SPPL3: variants seen among roughly 807,000 people sequenced by gnomAD.
The protein encoded by SPPL3 is signal peptide peptidase like 3, also known as signal peptide peptidase-like 3.
A neutral mutation model predicts 42.4 loss-of-function variants in SPPL3; 5 were observed. That is an observed-to-expected ratio of 0.12 (90% CI 0.06 to 0.25). SPPL3 has a LOEUF of 0.25. Among genes scored for constraint, SPPL3 ranks in the 10% least tolerant of loss-of-function variants. The pLI is 1.00. For synonymous variants in SPPL3, 195 were observed against 181.8 expected, an observed-to-expected ratio of 1.07 and a Z score of -0.58; for missense variants, 235 against 489.0, an observed-to-expected ratio of 0.48 and a Z score of 4.90.
intron 1 of SPPL3, among the ~76,000 whole-genome samples, chr12:120,902,644 T>A (rs2137075594): frequency 6.6e-6 from 1 of 152,318 alleles, no homozygotes; most frequent in Admixed American, 6.5e-5. Flanking sequence ...CCGAAATAGG[T>A]CTTCCAACTC....
At chr12:120,808,896 G>T (rs1473534647) in intron 2 of SPPL3, among the ~76,000 whole-genome samples, 1 of 152,172 alleles carries the variant, frequency 6.6e-6, no homozygotes, top group African/African-American at 2.4e-5. Flanking sequence ...AAATATTAAT[G>T]CATTATATAC....
At chr12:120,862,906 G>A (rs999585264) in intron 1 of SPPL3, among the ~76,000 whole-genome samples, 4 of 152,138 alleles carry the variant, frequency 2.6e-5, no homozygotes, top group Middle Eastern at 3.2e-3. Flanking sequence ...CTAAGACTCA[G>A]CTCATTAGCA....
intron 1 of SPPL3, among the ~76,000 whole-genome samples, chr12:120,840,958 TCATTAATA>T (rs921522401): frequency 6.6e-6 from 1 of 151,974 alleles, no homozygotes; most frequent in South Asian, 2.1e-4. Context: ...ATTCATTCAT[TCATTAATA>T]AATAAATAAC....
intron 2 of SPPL3, among the ~76,000 whole-genome samples, chr12:120,794,025 A>G (rs1377165371): frequency 6.6e-6 from 1 of 152,102 alleles, no homozygotes; most frequent in East Asian, 1.9e-4. Flanking sequence ...TTGTGAATTT[A>G]TTTCTCCTTG....
intron 1 of SPPL3, among the ~76,000 whole-genome samples, chr12:120,847,124 T>C (rs1872064541): frequency 6.6e-6 from 1 of 152,044 alleles, no homozygotes; most frequent in Non-Finnish European, 1.5e-5. Flanking sequence ...TCAAACTTCA[T>C]TATGCATAAA....
chr12:120,768,696 G>C, intron 7 of SPPL3: 1 of 661,234 alleles, frequency 1.5e-6, no homozygotes, highest in South Asian at 2.0e-5. Context: ...CTGACGGGGT[G>C]GCCCCCACTG....
intron 6 of SPPL3, among the ~76,000 whole-genome samples, chr12:120,777,367 C>A (rs947605894): frequency 2.6e-5 from 4 of 152,178 alleles, no homozygotes; most frequent in Non-Finnish European, 4.4e-5. Context: ...TATTGTATAA[C>A]ACATATTTTT....
chr12:120,792,270 TA>T (rs1033148628), intron 2 of SPPL3, among the ~76,000 whole-genome samples: 3 of 152,202 alleles, frequency 2.0e-5, no homozygotes, highest in African/African-American at 7.2e-5. Context: ...TCTGGGGAAC[TA>T]AAAATGGCAC....
chr12:120,787,521 G>A (rs908612571), intron 3 of SPPL3, among the ~76,000 whole-genome samples: 2 of 152,102 alleles, frequency 1.3e-5, no homozygotes, highest in South Asian at 2.1e-4. Context: ...CCTCACTCCT[G>A]TCACTTTCTA....
Position 120,769,077 on chromosome 12 carries a change from T to A in SPPL3, c.503-18A>T. 1 of 1,582,992 alleles carries A rather than the reference T, an allele frequency of 6.3e-7. No homozygotes were observed. The highest frequency in any genetic ancestry group is 8.6e-7 in the Non-Finnish European group (1 of 1,160,642). ...GGCCAGTGCTGGGGAGGAGACAGGGTACAGCAGACAGCAGTCAGTGTGGAC... is the reference window on the plus strand; with the variant it reads ...GGCCAGTGCTGGGGAGGAGACAGGGAACAGCAGACAGCAGTCAGTGTGGAC... On this transcript the variant is annotated intron_variant, in intron 6 of 10. Coordinates refer to ENST00000353487, the MANE Select transcript of SPPL3 (RefSeq NM_139015.5).
intron 1 of SPPL3, among the ~76,000 whole-genome samples, chr12:120,885,870 T>C (rs1041483011): frequency 2.5e-4 from 26 of 103,428 alleles, no homozygotes; most frequent in African/African-American, 9.7e-4. Context: ...TTTTTTTTTT[T>C]TGAGACAGAG....
intron 1 of SPPL3, among the ~76,000 whole-genome samples, chr12:120,832,799 G>C (rs929336863): frequency 1.3e-5 from 2 of 152,184 alleles, no homozygotes; most frequent in Admixed American, 1.3e-4. Context: ...TAGGAGGCCT[G>C]TTTCCATACT....
chr12:120,879,598 CAA>C (rs1394606071), intron 1 of SPPL3, among the ~76,000 whole-genome samples: 1 of 151,964 alleles, frequency 6.6e-6, no homozygotes, highest in Non-Finnish European at 1.5e-5. Context: ...ACCAAATTTC[CAA>C]GAGAGGGATT....
At chr12:120,897,287 C>T (rs915424245) in intron 1 of SPPL3, among the ~76,000 whole-genome samples, 2 of 152,082 alleles carry the variant, frequency 1.3e-5, no homozygotes, top group Non-Finnish European at 2.9e-5. Flanking sequence ...TTCTTTACCC[C>T]CGAAGGCTTT....
chr12:120,825,530 CACAGGAATATCA>C (rs1458206867), intron 1 of SPPL3, among the ~76,000 whole-genome samples: 1 of 152,144 alleles, frequency 6.6e-6, no homozygotes. Flanking sequence ...GGCACATGTA[CACAGGAATATCA>C]ACAGGAGCAA....
chr12:120,810,800 A>G lies in SPPL3; in HGVS notation c.101+9T>C, dbSNP rs1870658692. 2 of 1,599,260 alleles carry G rather than the reference A, an allele frequency of 1.3e-6. No homozygotes were observed. Among genetic ancestry groups the G allele is most frequent in the African/African-American group, 2.7e-5 (2 of 74,638 alleles). On this transcript the variant is annotated intron_variant, in intron 2 of 10. Transcript: ENST00000353487. ...CAACTTGTATCAACCCCATTTGAGA[A>G]TATCTTACCTGAAACTACCATAGAC...
intron 1 of SPPL3, among the ~76,000 whole-genome samples, chr12:120,815,744 TGAGACA>T (rs2137004929): frequency 6.6e-6 from 1 of 152,268 alleles, no homozygotes; most frequent in East Asian, 1.9e-4. Flanking sequence ...TTTTATTTTT[TGAGACA>T]GAGTCTCGCT....
At chr12:120,765,134 CT>C in intron 10 of SPPL3, 64 bp from the exon 11 acceptor site, 13 of 1,497,902 alleles carry the variant, frequency 8.7e-6, no homozygotes, top group Non-Finnish European at 9.0e-6. Context: ...CTGTCTGATT[CT>C]TTAAAAAAAA....
At chr12:120,830,580 G>GGGGAGAGA (rs1555251060) in intron 1 of SPPL3, among the ~76,000 whole-genome samples, 1 of 7,312 alleles carries the variant, frequency 1.4e-4, no homozygotes, top group Non-Finnish European at 3.1e-4. Flanking sequence ...AGGGGGGGAA[G>GGGGAGAGA]GAGAGAGAGA....
Sources: allele counts gnomAD v4.1 joint callset (sites outside exome capture counted in the v4.1 genomes callset), GRCh38; gene constraint gnomAD v4.1.1; transcripts MANE v1.5; gene names NCBI Gene and HGNC (gene_info 2026-07-23, HGNC 2026-07-21).